Variants in ARHGEF3 observed in about 807,000 individuals in gnomAD.
The protein encoded by ARHGEF3 is Rho guanine nucleotide exchange factor 3, also known as 59.8 kDA protein.
ARHGEF3 carries 28 observed loss-of-function variants against 63.2 expected under a neutral mutation model. The ratio of observed to expected loss-of-function variants is 0.44; its 90% CI spans 0.33 to 0.61. The LOEUF (loss-of-function observed/expected upper bound fraction) is 0.61, where lower values mean the gene tolerates loss of function less well. Ranked by LOEUF, ARHGEF3 falls within the 20% of genes least tolerant of loss-of-function variation. The pLI, the probability that ARHGEF3 is intolerant of heterozygous loss-of-function variation, is 0.03. For missense variants in ARHGEF3, 533 were observed against 659.3 expected (o/e 0.81, Z 2.10); for synonymous variants, 266 against 254.2 (o/e 1.05, Z -0.44).
At chr3:57,048,128 A>G (rs1455939531) in intron 1 of ARHGEF3, among the ~76,000 whole-genome samples, 1 of 152,042 alleles carries the variant, frequency 6.6e-6, no homozygotes, top group African/African-American at 2.4e-5. Context: ...CACTCCATCC[A>G]GCACCACCAC....
rs116395904 is a variant in ARHGEF3, at chr3:56,959,329, T to C, written c.63-440A>G. On this transcript the variant is annotated intron_variant, in intron 2 of 12. Coordinates refer to the ARHGEF3 transcript ENST00000338458. ...AGGGGTACATTTGAGCTCCAGGTTT[T>C]TAAAGCAACCATCAACGGGACATTT... Among the ~76,000 whole-genome samples, 414 of 152,218 alleles carry C rather than the reference T, an allele frequency of 2.7e-3. 6 individuals are homozygous for C. Among genetic ancestry groups the C allele is most frequent in the African/African-American group, 9.6e-3 (399 of 41,514 alleles).
chr3:57,052,686 CATAA>C (rs1295946758), intron 1 of ARHGEF3, among the ~76,000 whole-genome samples: 1 of 152,146 alleles, frequency 6.6e-6, no homozygotes, highest in Admixed American at 6.5e-5. Flanking sequence ...GACACAAAGA[CATAA>C]ATAAATAAAA....
intron 1 of ARHGEF3, among the ~76,000 whole-genome samples, chr3:57,042,268 T>A (rs1410493386): frequency 3.3e-5 from 5 of 151,576 alleles, no homozygotes; most frequent in Admixed American, 2.0e-4. Flanking sequence ...CTGATTGGTG[T>A]AGAATATGCA....
intron 1 of ARHGEF3, among the ~76,000 whole-genome samples, chr3:57,052,133 A>G (rs1704700706): frequency 6.6e-6 from 1 of 152,128 alleles, no homozygotes; most frequent in Non-Finnish European, 1.5e-5. Flanking sequence ...TTTATCCCTA[A>G]TTTATTCTTG....
chr3:57,042,688 A>ATTTTTT lies in ARHGEF3; in HGVS notation c.-27-7513_-27-7512insAAAAAA, dbSNP rs1560156283. Among the ~76,000 whole-genome samples the ATTTTTT allele has an allele frequency of 7.9e-3, 70 of 8,848 alleles. 4 individuals are homozygous for ATTTTTT. The highest frequency in any genetic ancestry group is 0.026 in the East Asian group (9 of 352). 5.8% of individuals were successfully genotyped at this position (8,848 alleles called of 152,430 possible). ...TATATATATATATATATATATATAT[A>ATTTTTT]TATATATATATATTTTTTTTTTTTT... On this transcript the variant is annotated intron_variant, in intron 1 of 12. Transcript: ENST00000338458.
chr3:56,862,622 C>G (rs996102335), intron 4 of ARHGEF3, among the ~76,000 whole-genome samples: 2 of 152,200 alleles, frequency 1.3e-5, no homozygotes, highest in Non-Finnish European at 2.9e-5. Flanking sequence ...AGGCGGCTGA[C>G]TGAGACTGAC....
intron 4 of ARHGEF3, among the ~76,000 whole-genome samples, chr3:56,870,212 A>C (rs1041993066): frequency 1.3e-5 from 2 of 152,216 alleles, no homozygotes; most frequent in South Asian, 4.1e-4. Context: ...AGTTTAAAAG[A>C]ATAAGATACA....
At chr3:56,794,126 A>T (rs147572170) in intron 1 of ARHGEF3, among the ~76,000 whole-genome samples, 1 of 152,176 alleles carries the variant, frequency 6.6e-6, no homozygotes, top group Non-Finnish European at 1.5e-5. Flanking sequence ...GAGAATGCAC[A>T]TGAGTGTGGA....
intron 2 of ARHGEF3, among the ~76,000 whole-genome samples, chr3:57,016,386 A>C (rs1475949884): frequency 1.2e-5 from 1 of 81,416 alleles, no homozygotes; most frequent in Non-Finnish European, 2.5e-5. Flanking sequence ...TACTAAAAAT[A>C]CAAAAAAAAA....
chr3:56,831,979 G>A (rs892970392), intron 4 of ARHGEF3, among the ~76,000 whole-genome samples: 1 of 152,210 alleles, frequency 6.6e-6, no homozygotes, highest in African/African-American at 2.4e-5. Flanking sequence ...CCGTGGACTT[G>A]AGAACTTTGA....
intron 4 of ARHGEF3, among the ~76,000 whole-genome samples, chr3:56,851,128 C>T (rs1030699310): frequency 6.6e-6 from 1 of 152,030 alleles, no homozygotes; most frequent in Non-Finnish European, 1.5e-5. Context: ...TCCCCCATAT[C>T]CTCACTTCCT....
At chr3:56,902,864 C>T (rs1875284) in intron 3 of ARHGEF3, among the ~76,000 whole-genome samples, 5 of 152,134 alleles carry the variant, frequency 3.3e-5, no homozygotes, top group African/African-American at 1.2e-4. Context: ...AAACACCAAC[C>T]CAAGTCAGGC....
chr3:57,078,245 A>G (rs1706303327), intron 1 of ARHGEF3, among the ~76,000 whole-genome samples: 2 of 152,204 alleles, frequency 1.3e-5, no homozygotes, highest in Admixed American at 6.5e-5. Flanking sequence ...TCCACACCCC[A>G]GGGAAGAAAG....
At chr3:57,070,153 C>T (rs1705805087) in intron 1 of ARHGEF3, among the ~76,000 whole-genome samples, 1 of 152,126 alleles carries the variant, frequency 6.6e-6, no homozygotes, top group Admixed American at 6.5e-5. Context: ...CTGGTGCCTC[C>T]AGGGCTGTGG....
At chr3:57,043,937 T>C (rs906303517) in intron 1 of ARHGEF3, among the ~76,000 whole-genome samples, 2 of 152,242 alleles carry the variant, frequency 1.3e-5, no homozygotes, top group South Asian at 4.1e-4. Context: ...ATGGAGGTTA[T>C]GGGAGATTGC....
At chr3:56,998,611 C>G (rs927483161) in intron 2 of ARHGEF3, among the ~76,000 whole-genome samples, 4 of 152,170 alleles carry the variant, frequency 2.6e-5, no homozygotes, top group African/African-American at 9.7e-5. Context: ...TGCCCAGGGA[C>G]TTCACAGACC....
chr3:56,906,959 T>C (rs181983794), intron 3 of ARHGEF3, among the ~76,000 whole-genome samples: 1 of 151,162 alleles, frequency 6.6e-6, no homozygotes, highest in African/African-American at 2.4e-5. Flanking sequence ...AAAATCGCGA[T>C]TGTGGCTCAC....
intron 2 of ARHGEF3, among the ~76,000 whole-genome samples, chr3:56,983,232 A>G (rs1701395499): frequency 6.6e-6 from 1 of 152,106 alleles, no homozygotes; most frequent in Admixed American, 6.5e-5. Context: ...TACAGTCTCT[A>G]GCTTCAGTTC....
intron 2 of ARHGEF3, among the ~76,000 whole-genome samples, chr3:56,993,698 C>T (rs1016885309): frequency 1.3e-5 from 2 of 151,714 alleles, no homozygotes; most frequent in African/African-American, 4.8e-5. Context: ...ATTGCTTAAC[C>T]TTCCTGAGGT....
Sources: gnomAD v4.1 joint callset for allele counts (sites outside exome capture counted in the v4.1 genomes callset) on GRCh38, gnomAD v4.1.1 for gene constraint, MANE v1.5 for transcripts, NCBI Gene and HGNC (gene_info 2026-07-23, HGNC 2026-07-21) for gene names.